Variants in ZBTB21 observed in about 807,000 individuals in gnomAD.
ZBTB21 encodes the protein zinc finger and BTB domain containing 21.
ZBTB21 carries 10 observed loss-of-function variants against 39.8 expected under a neutral mutation model. The observed-to-expected ratio is 0.25, with a 90% CI of 0.16 to 0.43. ZBTB21 has a LOEUF of 0.43. Among genes scored for constraint, ZBTB21 ranks in the 20% least tolerant of loss-of-function variants. The pLI is 1.00. For synonymous variants in ZBTB21, 551 were observed against 498.8 expected, an observed-to-expected ratio of 1.10 and a Z score of -1.40; for missense variants, 1,221 against 1,296.3, an observed-to-expected ratio of 0.94 and a Z score of 0.89.
At chr21:41,999,374 G>A (rs1222985665) in intron 2 of ZBTB21, among the ~76,000 whole-genome samples, 2 of 152,066 alleles carry the variant, frequency 1.3e-5, no homozygotes, top group Non-Finnish European at 2.9e-5. Context: ...AGAAACTTTT[G>A]TTTCTATTAT....
At chr21:41,996,151 C>G (rs2065743644) in intron 2 of ZBTB21, among the ~76,000 whole-genome samples, 2 of 152,188 alleles carry the variant, frequency 1.3e-5, no homozygotes, top group Admixed American at 6.5e-5. Context: ...TGGGGCACTG[C>G]CTAGTGGAGA....
At position 41,990,698 on chromosome 21, in the gene ZBTB21, C is replaced by A; in HGVS notation, c.*197G>T. ...CTTGTTCTTGTAAGGTCCAGAACCACAATATTTTAAAAGCTGTATTTCTAA... is the reference window on the plus strand; with the variant it reads ...CTTGTTCTTGTAAGGTCCAGAACCAAAATATTTTAAAAGCTGTATTTCTAA... On this transcript the variant is annotated 3_prime_UTR_variant, in exon 3 of 3. Transcript: ENST00000310826. 1 of 472,782 alleles carries A rather than the reference C, an allele frequency of 2.1e-6. No homozygotes were observed. Among genetic ancestry groups the A allele is most frequent in the East Asian group, 3.6e-5 (1 of 27,522 alleles). 29.3% of individuals were successfully genotyped at this position (472,782 alleles called of 1,614,324 possible). A position where few individuals can be genotyped will look rare whatever the true frequency, so the allele number is the denominator to read the frequency against.
chr21:42,001,486 T>G (rs375393400), intron 2 of ZBTB21, among the ~76,000 whole-genome samples: 4 of 152,330 alleles, frequency 2.6e-5, no homozygotes, highest in South Asian at 2.1e-4. Context: ...TTCATCAGCC[T>G]AGTCCAGTAT....
chr21:41,996,948 C>A (rs2146304093), intron 2 of ZBTB21, among the ~76,000 whole-genome samples: 1 of 152,322 alleles, frequency 6.6e-6, no homozygotes, highest in East Asian at 1.9e-4. Context: ...GCACTCCTTG[C>A]CTTCTGCCAT....
At chr21:42,006,141 G>A (rs909332932) in intron 1 of ZBTB21, among the ~76,000 whole-genome samples, 2 of 152,204 alleles carry the variant, frequency 1.3e-5, no homozygotes, top group Non-Finnish European at 2.9e-5. Flanking sequence ...TTAGCCAGGT[G>A]TGGTGGCTCA....
chr21:41,992,860 A>G lies in ZBTB21; in HGVS notation c.1236T>C (p.Ala412=), dbSNP rs201263350. The G allele has an allele frequency of 5.3e-5, 86 of 1,614,106 alleles. No homozygotes were observed. Among genetic ancestry groups the G allele is most frequent in the Non-Finnish European group, 6.9e-5 (81 of 1,180,060 alleles). Residue 412 remains alanine, a synonymous_variant, in exon 3 of 3, where the codon GCT becomes GCC. Transcript: ENST00000310826. This position sits in a 1 kb window ranked among gnomAD's most constrained non-coding sequence, Gnocchi z 4.1. ...LQPHRLRSFS[A]SQSTDREGAS... is the part of the protein sequence containing the mutation. ...CTCCCTCCCTGTCTGTTGACTGAGAAGCACTAAAGGACCTGAGGCGATGCG... is the reference window on the plus strand; with the variant it reads ...CTCCCTCCCTGTCTGTTGACTGAGAGGCACTAAAGGACCTGAGGCGATGCG...
At chr21:41,996,010 C>G (rs2065741586) in intron 2 of ZBTB21, among the ~76,000 whole-genome samples, 1 of 152,246 alleles carries the variant, frequency 6.6e-6, no homozygotes, top group Admixed American at 6.5e-5. Flanking sequence ...ATGAGAACAC[C>G]TGTATATCCA....
rs772747024 is a variant in ZBTB21, at chr21:41,992,365, A to G, written c.1731T>C (p.Cys577=). Residue 577 remains cysteine, a synonymous_variant, in exon 3 of 3, where the codon TGT becomes TGC. Coordinates refer to ENST00000310826, the MANE Select transcript of ZBTB21 (RefSeq NM_001098402.2). This position sits in a 1 kb window ranked among gnomAD's most constrained non-coding sequence, Gnocchi z 4.1. ...TGTGAAACCTCTTGTGACAGATGTC[A>G]CAAGCGTAGGGCTTTTCTGGGTTAT... ...MYHNPEKPYA[C]DICHKRFHTN... The G allele has an allele frequency of 6.2e-7, 1 of 1,614,232 alleles. No individual in the cohort carries two copies.
chr21:41,994,784 CA>C (rs2146295050), intron 2 of ZBTB21, among the ~76,000 whole-genome samples: 1 of 148,508 alleles, frequency 6.7e-6, no homozygotes, highest in Admixed American at 6.7e-5. Context: ...TGTCCCCACC[CA>C]AATCTCCTCT....
intron 1 of ZBTB21, among the ~76,000 whole-genome samples, chr21:42,008,964 T>C (rs996662363): frequency 3.3e-5 from 5 of 152,200 alleles, no homozygotes; most frequent in African/African-American, 1.2e-4. Context: ...GAGAAATCTT[T>C]CTAAAATGGA....
At chr21:41,995,794 C>T (rs1224903107) in intron 2 of ZBTB21, among the ~76,000 whole-genome samples, 2 of 152,220 alleles carry the variant, frequency 1.3e-5, no homozygotes, top group East Asian at 1.9e-4. Flanking sequence ...GCCCAGGGCC[C>T]CCTTTCTGTG....
intron 1 of ZBTB21, among the ~76,000 whole-genome samples, 171 bp downstream of exon 1, chr21:42,010,081 G>A (rs932847915): frequency 6.6e-6 from 1 of 152,234 alleles, no homozygotes; most frequent in African/African-American, 2.4e-5. Context: ...TGAGCGCCCA[G>A]GTCCCGCGCA....
At chr21:41,995,454 G>A (rs2065733385) in intron 2 of ZBTB21, among the ~76,000 whole-genome samples, 3 of 152,222 alleles carry the variant, frequency 2.0e-5, no homozygotes, top group Non-Finnish European at 2.9e-5. Context: ...CAACTTGAGA[G>A]AGATGATTTA....
rs751422900 is a variant in ZBTB21 at position 41,991,257 on chromosome 21, G to A, written c.2839C>T (p.Arg947Cys). Residue 947 changes from arginine to cysteine, a missense_variant, in exon 3 of 3, where the codon CGC becomes TGC. Physicochemically the swap from Arg to Cys is radical, Grantham distance 180 (BLOSUM62 -3). Transcript: ENST00000310826. The surrounding 1 kb of genome is among the most constrained non-coding windows in gnomAD (Gnocchi z 4.9). ...TGACTCCAGAGTCGAAAATTAGTGC[G>A]AAAAGCTTTGTTGCACACGTGACAA... is the stretch of plus-strand genomic sequence containing the variant. The part of the protein sequence containing the change: ...FICHVCNKAF[R>C]TNFRLWSHFQ... 10 of 1,614,030 alleles carry A rather than the reference G, an allele frequency of 6.2e-6. No homozygotes were observed. Among genetic ancestry groups the A allele is most frequent in the African/African-American group, 1.3e-5 (1 of 74,902 alleles).
In ZBTB21 at chr21:42,010,314, G is replaced by T; in HGVS notation, c.-141C>A. The T allele has an allele frequency of 2.5e-6, 1 of 398,342 alleles. No homozygotes were observed. Among genetic ancestry groups the T allele is most frequent in the Middle Eastern group, 6.3e-4 (1 of 1,588 alleles). The allele number at this position is 398,342 out of a possible 1,614,324, so 24.7% of individuals were successfully genotyped here. A position where few individuals can be genotyped will look rare whatever the true frequency, so the allele number is the denominator to read the frequency against. ...CGCTCACACTCGGCTCGCGCGCGCC[G>T]CAGCCGCCGCTGCCGCTGTGATTCC... On this transcript the variant is annotated 5_prime_UTR_variant, in exon 1 of 3. Coordinates refer to ENST00000310826, the MANE Select transcript of ZBTB21 (RefSeq NM_001098402.2).
Position 41,991,597 on chromosome 21 carries a change from G to A in ZBTB21, c.2499C>T (p.Asn833=). 6.2e-7 allele frequency: 1 copy of A among 1,614,196 alleles called. No homozygotes were observed. Among genetic ancestry groups the A allele is most frequent in the Non-Finnish European group, 8.5e-7 (1 of 1,180,036 alleles). The change falls in exon 3 of 3, where the codon AAC becomes AAT. Residue 833 remains asparagine, a synonymous_variant. Coordinates refer to ENST00000310826, the MANE Select transcript of ZBTB21 (RefSeq NM_001098402.2). This position sits in a 1 kb window ranked among gnomAD's most constrained non-coding sequence, Gnocchi z 4.9. The part of the protein sequence containing the change: ...SSRPQSQPEP[N]KVNHIVTTKD... ...TTGTGGTGACGATGTGGTTTACTTT[G>A]TTGGGCTCAGGCTGGGATTGGGGCC... is the stretch of plus-strand genomic sequence containing the variant.
intron 2 of ZBTB21, among the ~76,000 whole-genome samples, chr21:41,999,642 A>G (rs2065793991): frequency 6.6e-6 from 1 of 152,234 alleles, no homozygotes; most frequent in Non-Finnish European, 1.5e-5. Flanking sequence ...ACTACAAACT[A>G]TACCAGAAAC....
At chr21:41,994,507 A>G (rs896529083) in intron 2 of ZBTB21, among the ~76,000 whole-genome samples, 18 of 152,258 alleles carry the variant, frequency 1.2e-4, no homozygotes, top group African/African-American at 4.3e-4. Context: ...CCTGAAGTCT[A>G]TAATTCTGAA....
chr21:41,992,918 G>GT lies in ZBTB21; in HGVS notation c.1177dup (p.Thr393AsnfsTer5). 1 of 1,614,208 alleles carries GT rather than the reference G, an allele frequency of 6.2e-7. No individual in the cohort carries two copies. Among genetic ancestry groups the GT allele is most frequent in the Non-Finnish European group, 8.5e-7 (1 of 1,180,044 alleles). ...CACTTGAGGCCTGTCATCTAGGGCT[G>GT]TTTTTTCACTACAATCTTTTAAAGA... On this transcript the variant is annotated frameshift_variant, in exon 3 of 3. Transcript: ENST00000310826. LOFTEE classifies it high-confidence loss of function. This position sits in a 1 kb window ranked among gnomAD's most constrained non-coding sequence, Gnocchi z 4.1.
Sources: gnomAD v4.1 joint callset for allele counts (sites outside exome capture counted in the v4.1 genomes callset) on GRCh38, gnomAD v4.1.1 for gene constraint, Gnocchi (gnomAD v3.1) non-coding constraint, MANE v1.5 for transcripts, NCBI Gene and HGNC (gene_info 2026-07-23, HGNC 2026-07-21) for gene names.